RGS7: variants seen among roughly 807,000 people sequenced by gnomAD.
The protein encoded by RGS7 is regulator of G protein signaling 7.
A neutral mutation model predicts 81.1 loss-of-function variants in RGS7; 27 were observed. The ratio of observed to expected loss-of-function variants is 0.33; its 90% CI spans 0.25 to 0.46. The LOEUF is 0.46. Ranked by LOEUF, RGS7 falls within the 20% of genes least tolerant of loss-of-function variation. The probability of loss-of-function intolerance (pLI) is 1.00; values close to 1 mark genes in which losing one functional copy is unlikely to be tolerated. For synonymous variants in RGS7, 208 were observed against 207.7 expected (o/e 1.00, Z -0.01); for missense variants, 396 against 607.4 (o/e 0.65, Z 3.66).
intron 2 of RGS7, among the ~76,000 whole-genome samples, chr1:241,244,794 A>G (rs1345332134): frequency 6.6e-6 from 1 of 152,060 alleles, no homozygotes; most frequent in Non-Finnish European, 1.5e-5. Context: ...TGATGAGTTC[A>G]TGTCCTTTGT....
chr1:240,816,177 C>G (rs111392138), intron 11 of RGS7, 140 bp downstream of exon 11: 10 of 693,024 alleles, frequency 1.4e-5, no homozygotes, highest in African/African-American at 1.1e-4. Context: ...ATTTTATTAT[C>G]TTTTAACTGC....
chr1:241,163,629 G>C lies in RGS7; in HGVS notation c.79-64867C>G, dbSNP rs528115453. ...CATAACAAGTGATCTTTGCTAGCCA[G>C]GGCTCCTCTTCTCTCCCTCCCATAA... On this transcript the variant is annotated intron_variant, in intron 2 of 18. Coordinates refer to ENST00000440928, the MANE Select transcript of RGS7 (RefSeq NM_001364886.1). The surrounding 1 kb of genome is among the most constrained non-coding windows in gnomAD (Gnocchi z 4.6). Among the ~76,000 whole-genome samples the C allele has an allele frequency of 9.2e-5, 14 of 152,116 alleles. No homozygotes were observed. The highest frequency in any genetic ancestry group is 6.5e-5 in the Admixed American group (1 of 15,274).
intron 6 of RGS7, chr1:240,919,778 T>G: frequency 1.4e-6 from 1 of 704,724 alleles, no homozygotes; most frequent in South Asian, 1.5e-5. Context: ...TCATGGACTG[T>G]GTGGTAATGA....
rs181667396 is a variant in RGS7, at chr1:241,179,669, G to A, written c.79-80907C>T. Among the ~76,000 whole-genome samples, 22 of 152,264 alleles carry A rather than the reference G, an allele frequency of 1.4e-4. No homozygotes were observed. In the East Asian group the frequency reaches 4.3e-3, roughly 29 times the overall value. ...AGTTTCCCTCTGCACAGTAATTGTA[G>A]AGGGAAATGTAATAATACCCAGTCA... On this transcript the variant is annotated intron_variant, in intron 2 of 18. Coordinates refer to ENST00000440928, the MANE Select transcript of RGS7 (RefSeq NM_001364886.1).
At chr1:241,237,340 C>A (rs532511843) in intron 2 of RGS7, among the ~76,000 whole-genome samples, 71 of 152,200 alleles carry the variant, frequency 4.7e-4, no homozygotes, top group Non-Finnish European at 4.1e-4. Flanking sequence ...GATGAATGAT[C>A]ATAAAAATGG....
intron 3 of RGS7, among the ~76,000 whole-genome samples, chr1:241,086,180 C>T (rs1322812328): frequency 6.6e-6 from 1 of 152,232 alleles, no homozygotes; most frequent in African/African-American, 2.4e-5. Flanking sequence ...GTATATCCAA[C>T]AGTTTCCAGG....
intron 4 of RGS7, among the ~76,000 whole-genome samples, chr1:240,981,947 G>C (rs1036827864): frequency 2.6e-4 from 40 of 152,320 alleles, no homozygotes; most frequent in African/African-American, 9.6e-4. Flanking sequence ...TCTATCGATA[G>C]AAGGGTGTGT....
intron 3 of RGS7, among the ~76,000 whole-genome samples, chr1:241,006,253 T>C (rs56344266): frequency 0.17 from 26,157 of 152,208 alleles, 2,319 homozygotes; most frequent in Non-Finnish European, 0.18. Context: ...ATGCCATCAA[T>C]ATACAGCCTC....
At chr1:241,110,336 T>A (rs1442208242) in intron 2 of RGS7, among the ~76,000 whole-genome samples, 1 of 152,202 alleles carries the variant, frequency 6.6e-6, no homozygotes, top group Non-Finnish European at 1.5e-5. Flanking sequence ...TTGGGACTTT[T>A]TTTAATTGAC....
intron 13 of RGS7, among the ~76,000 whole-genome samples, chr1:240,812,437 CTTT>C (rs71172652): frequency 1.5e-5 from 2 of 137,644 alleles, no homozygotes; most frequent in Admixed American, 7.5e-5. Context: ...TTTCTTTTTT[CTTT>C]TTTTTTTTTT....
Position 241,179,958 on chromosome 1 carries a change from G to T in RGS7, c.79-81196C>A, listed in dbSNP as rs199585562. ...GTAGATGCTTTTCATAACATGAAAA[G>T]CTAACTAATAGTTAGACATTGAAAT... On this transcript the variant is annotated intron_variant, in intron 2 of 18. Coordinates refer to ENST00000440928, the MANE Select transcript of RGS7 (RefSeq NM_001364886.1). Among the ~76,000 whole-genome samples, 16 of 152,252 alleles carry T rather than the reference G, an allele frequency of 1.1e-4. No homozygotes were observed. In the East Asian group the frequency reaches 2.5e-3, roughly 24 times the overall value.
At chr1:241,216,123 G>A (rs753037709) in intron 2 of RGS7, among the ~76,000 whole-genome samples, 3 of 151,294 alleles carry the variant, frequency 2.0e-5, no homozygotes, top group Admixed American at 1.3e-4. Context: ...ATAAAAAAAC[G>A]TAGCCGGGCG....
chr1:240,975,197 A>T (rs1683882390), intron 4 of RGS7, among the ~76,000 whole-genome samples: 2 of 152,058 alleles, frequency 1.3e-5, no homozygotes, highest in Non-Finnish European at 2.9e-5. Flanking sequence ...AAGTCAAGAG[A>T]TCGAGACCAT....
intron 2 of RGS7, among the ~76,000 whole-genome samples, chr1:241,128,961 T>G (rs1006521444): frequency 2.0e-5 from 3 of 152,146 alleles, no homozygotes; most frequent in South Asian, 2.1e-4. Flanking sequence ...AATTGATTAT[T>G]ATATTGATAT....
chr1:241,070,220 T>C (rs557030433), intron 3 of RGS7, among the ~76,000 whole-genome samples: 1 of 151,772 alleles, frequency 6.6e-6, no homozygotes, highest in Non-Finnish European at 1.5e-5. Flanking sequence ...GTTATTTTCG[T>C]GAAAGATAAA....
chr1:241,071,350 T>A (rs561286584), intron 3 of RGS7, among the ~76,000 whole-genome samples: 1 of 152,134 alleles, frequency 6.6e-6, no homozygotes, highest in African/African-American at 2.4e-5. Context: ...CTGACCCGAA[T>A]AGAAAGCTAG....
intron 14 of RGS7, among the ~76,000 whole-genome samples, chr1:240,810,031 C>A (rs2103088491): frequency 6.6e-6 from 1 of 152,278 alleles, no homozygotes; most frequent in Admixed American, 6.5e-5. Context: ...ACCTAGTATG[C>A]ACATGCTATC....
At chr1:241,348,211 G>T (rs6679117) in intron 2 of RGS7, among the ~76,000 whole-genome samples, 142,955 of 152,316 alleles carry the variant, frequency 0.94, 67,767 homozygotes, top group East Asian at 1. Context: ...AGAACATTTC[G>T]GTCATGATAG....
At chr1:241,153,123 T>C (rs1431725241) in intron 2 of RGS7, among the ~76,000 whole-genome samples, 1 of 152,232 alleles carries the variant, frequency 6.6e-6, no homozygotes, top group Non-Finnish European at 1.5e-5. Flanking sequence ...TGACAATGAA[T>C]AGTCATTGTT....
Sources: gnomAD v4.1 joint callset for allele counts (sites outside exome capture counted in the v4.1 genomes callset) on GRCh38, gnomAD v4.1.1 for gene constraint, Gnocchi (gnomAD v3.1) non-coding constraint, MANE v1.5 for transcripts, NCBI Gene and HGNC (gene_info 2026-07-23, HGNC 2026-07-21) for gene names.